The following SNX21 variants were observed in gnomAD, a reference collection of about 807,000 sequenced individuals.
SNX21 encodes sorting nexin-21.
A neutral mutation model predicts 30.9 loss-of-function variants in SNX21; 36 were observed. The observed-to-expected ratio is 1.16, with a 90% confidence interval of 0.89 to 1.54. The LOEUF (loss-of-function observed/expected upper bound fraction) is 1.54, where lower values mean the gene tolerates loss of function less well. SNX21 is among the 40% of genes most tolerant of loss of function. SNX21 has a pLI of 0.00. For synonymous variants in SNX21, 218 were observed against 222.7 expected, an observed-to-expected ratio of 0.98 and a Z score of 0.19; for missense variants, 508 against 516.5, an observed-to-expected ratio of 0.98 and a Z score of 0.16.
intron 1 of SNX21, 91 bp downstream of exon 1, chr20:45,834,031 G>A: frequency 6.3e-6 from 9 of 1,419,716 alleles, no homozygotes; most frequent in Middle Eastern, 2.0e-4. Context: ...GGGTTGGGGG[G>A]AAAGCGATGC....
chr20:45,836,897 G>T (rs974013281), intron 3 of SNX21, among the ~76,000 whole-genome samples: 2 of 152,198 alleles, frequency 1.3e-5, no homozygotes, highest in African/African-American at 2.4e-5. Context: ...ACTTGTGGGG[G>T]TGAAGAGCAC....
Position 45,841,650 on chromosome 20 carries a change from C to G in SNX21, c.*337C>G, listed in dbSNP as rs1368147802. ...TTGGCTGAAGGCCAGGGACTCTGCCCCTGGAGTCCTGGAGTTAAGGGATGA... is the reference window on the plus strand; with the variant it reads ...TTGGCTGAAGGCCAGGGACTCTGCCGCTGGAGTCCTGGAGTTAAGGGATGA... On this transcript the variant is annotated 3_prime_UTR_variant, in exon 4 of 4. Transcript: ENST00000491381. 11 of 1,416,082 alleles carry G rather than the reference C, an allele frequency of 7.8e-6. No individual in the cohort carries two copies. The South Asian group carries it at 1.6e-4, about 20-fold the overall frequency. 87.7% of individuals were successfully genotyped at this position (1,416,082 alleles called of 1,614,324 possible). A position where few individuals can be genotyped will look rare whatever the true frequency, so the allele number is the denominator to read the frequency against.
chr20:45,836,705 G>T (rs566577564), intron 3 of SNX21, among the ~76,000 whole-genome samples: 1 of 152,048 alleles, frequency 6.6e-6, no homozygotes, highest in Non-Finnish European at 1.5e-5. Flanking sequence ...CAGAACTCTG[G>T]GTTCATACAC....
chr20:45,834,581 T>C (rs758823275), intron 2 of SNX21, 113 bp downstream of exon 2: 8 of 1,351,772 alleles, frequency 5.9e-6, no homozygotes, highest in Non-Finnish European at 7.8e-6. Context: ...CTCCCACACT[T>C]CTTAAAGCGC....
At position 45,841,665 on chromosome 20, in the gene SNX21, T is replaced by C; in HGVS notation, c.*352T>C. On this transcript the variant is annotated 3_prime_UTR_variant, in exon 4 of 4. Transcript: ENST00000491381. Reference sequence around the variant, plus strand: ...GGACTCTGCCCCTGGAGTCCTGGAGTTAAGGGATGAAGGCAAGGCTGCAGG... The same window carrying C: ...GGACTCTGCCCCTGGAGTCCTGGAGCTAAGGGATGAAGGCAAGGCTGCAGG... The C allele has an allele frequency of 7.1e-7, 1 of 1,416,024 alleles. No homozygotes were observed. 87.7% of individuals were successfully genotyped at this position (1,416,024 alleles called of 1,614,324 possible).
At chr20:45,840,378 G>A (rs1983950246) in intron 3 of SNX21, 1 of 1,614,032 alleles carries the variant, frequency 6.2e-7, no homozygotes, top group Non-Finnish European at 8.5e-7. Context: ...AAAAGGGGCA[G>A]CAGCCCCGGG....
At position 45,841,287 on chromosome 20, in the gene SNX21, T is replaced by C. The variant is rs375388183; in HGVS notation, c.1096T>C (p.Leu366=). ...CACACCACCCCCCAGTCTCAAAGAA[T>C]TGCTCATCAAGGAGGTGCTGGACTA... ...TPTPPPSLKE[L]LIKEVLD is the part of the protein sequence containing the mutation. The change falls in exon 4 of 4, where the codon TTG becomes CTG. Residue 366 remains leucine (L), a synonymous_variant. Coordinates refer to ENST00000491381, the MANE Select transcript of SNX21 (RefSeq NM_033421.4). 1.3e-6 allele frequency: 2 copies of C among 1,578,228 alleles called. No individual in the cohort carries two copies. Among genetic ancestry groups the C allele is most frequent in the Non-Finnish European group, 1.7e-6 (2 of 1,165,108 alleles).
In SNX21 at chr20:45,842,347, A is replaced by C; in HGVS notation, c.*1034A>C. ...GCTTCCTCAAAAAGATCACAGAGGG[A>C]GGAGCTCTGAGAACAGTCTCCTTCA... On this transcript the variant is annotated 3_prime_UTR_variant, in exon 4 of 4. Transcript: ENST00000491381. 1 of 1,373,226 alleles carries C rather than the reference A, an allele frequency of 7.3e-7. No individual in the cohort carries two copies. 85.1% of individuals were successfully genotyped at this position (1,373,226 alleles called of 1,614,324 possible).
At chr20:45,840,146 T>C in intron 3 of SNX21, 3 of 985,440 alleles carry the variant, frequency 3.0e-6, no homozygotes, top group Non-Finnish European at 3.6e-6. Flanking sequence ...TAGGCCAGTA[T>C]ACTTTTCACA....
At position 45,841,740 on chromosome 20, in the gene SNX21, T is replaced by C; in HGVS notation, c.*427T>C. On this transcript the variant is annotated 3_prime_UTR_variant, in exon 4 of 4. Transcript: ENST00000491381. ...AGCCACTCCAGTGGTATCAGTCTCT[T>C]TATTGGATGTGAGGGCCAAAAGGGA... The C allele has an allele frequency of 2.8e-6, 4 of 1,447,844 alleles. No individual in the cohort carries two copies. The South Asian group carries it at 5.9e-5, about 21-fold the overall frequency. 89.7% of individuals were successfully genotyped at this position (1,447,844 alleles called of 1,614,324 possible).
At chr20:45,839,207 C>A (rs950912868) in intron 3 of SNX21, among the ~76,000 whole-genome samples, 1 of 152,090 alleles carries the variant, frequency 6.6e-6, no homozygotes. Context: ...CCCAAGAAGT[C>A]CTTTTTTTAA....
In SNX21 at chr20:45,841,818, G is replaced by A. The variant is rs775337601; in HGVS notation, c.*505G>A. 1 of 1,582,810 alleles carries A rather than the reference G, an allele frequency of 6.3e-7. No homozygotes were observed. The highest frequency in any genetic ancestry group is 1.1e-5 in the South Asian group (1 of 87,332). On this transcript the variant is annotated 3_prime_UTR_variant, in exon 4 of 4. Transcript: ENST00000491381. ...TAGATGGGAGGTTCTTGAAGCCCCA[G>A]GCGAAGCTGGTACCTCTGGCTACAG... is the stretch of plus-strand genomic sequence containing the variant.
chr20:45,840,321 G>T, intron 3 of SNX21: 1 of 1,572,698 alleles, frequency 6.4e-7, no homozygotes. Flanking sequence ...TGGTTTTCCA[G>T]AGGGGGCTGT....
intron 2 of SNX21, 27 bp from the exon 3 acceptor site, chr20:45,834,932 T>C (rs1209615310): frequency 1.9e-6 from 3 of 1,607,740 alleles, no homozygotes; most frequent in Non-Finnish European, 2.5e-6. Context: ...CCTAGGCCCA[T>C]TGATATGACT....
At chr20:45,839,329 C>T (rs1200118917) in intron 3 of SNX21, among the ~76,000 whole-genome samples, 1 of 152,062 alleles carries the variant, frequency 6.6e-6, no homozygotes, top group Non-Finnish European at 1.5e-5. Context: ...TCCTGGCTAA[C>T]ACAGTGAAAC....
rs1271234408 is a variant in SNX21, at chr20:45,840,844, A to C, written c.653A>C (p.Gln218Pro). ...GCCCGCCGTAGCCGGGCCTTTGAGC[A>C]GTTTTTGGGTCACCTGCAGGCAGTG... ...TIARRSRAFE[Q>P]FLGHLQAVPE... Residue 218 changes from glutamine to proline, a missense_variant, in exon 4 of 4, where the codon CAG (glutamine) becomes CCG (proline). Coordinates refer to ENST00000491381, the MANE Select transcript of SNX21 (RefSeq NM_033421.4). 1.2e-6 allele frequency: 2 copies of C among 1,613,862 alleles called. No individual in the cohort carries two copies. Among genetic ancestry groups the C allele is most frequent in the Admixed American group, 3.3e-5 (2 of 60,026 alleles).
At position 45,841,392 on chromosome 20, in the gene SNX21, A is replaced by AGCTGGGAGGCTGCAGAGGGT; in HGVS notation, c.*88_*107dup. 4 of 1,495,610 alleles carry AGCTGGGAGGCTGCAGAGGGT rather than the reference A, an allele frequency of 2.7e-6. No individual in the cohort carries two copies. In the South Asian group the frequency reaches 5.7e-5, roughly 21 times the overall value. The allele number at this position is 1,495,610 out of a possible 1,614,324, so 92.6% of individuals were successfully genotyped here. On this transcript the variant is annotated 3_prime_UTR_variant, in exon 4 of 4. Coordinates refer to ENST00000491381, the MANE Select transcript of SNX21 (RefSeq NM_033421.4). ...GGGAAGGACCTGATGAGAACAGAAT[A>AGCTGGGAGGCTGCAGAGGGT]GCTGGGAGGCTGCAGAGGGTGCTGG...
In SNX21 at chr20:45,841,454, A is replaced by C. The variant is rs190188488; in HGVS notation, c.*141A>C. 9.8e-6 allele frequency: 14 copies of C among 1,430,334 alleles called. No individual in the cohort carries two copies. The East Asian group carries it at 3.3e-4, about 34-fold the overall frequency. The allele number at this position is 1,430,334 out of a possible 1,614,324, so 88.6% of individuals were successfully genotyped here. A position where few individuals can be genotyped will look rare whatever the true frequency, so the allele number is the denominator to read the frequency against. On this transcript the variant is annotated 3_prime_UTR_variant, in exon 4 of 4. Transcript: ENST00000491381. ...AGTTCCAAAAGAGAATGTGAAGCAG[A>C]TCAAGGAAACTTCTGTTGAGCTAGG... is the stretch of plus-strand genomic sequence containing the variant.
At chr20:45,835,143 CTG>C (rs1180063023) in intron 3 of SNX21, 27 bp downstream of exon 3, 2 of 1,593,792 alleles carry the variant, frequency 1.3e-6, no homozygotes, top group East Asian at 2.3e-5. Context: ...AACCCCTGGG[CTG>C]TGAGTCCAGA....
Sources: gnomAD v4.1 joint callset for allele counts (sites outside exome capture counted in the v4.1 genomes callset) on GRCh38, gnomAD v4.1.1 for gene constraint, MANE v1.5 for transcripts, NCBI Gene and HGNC (gene_info 2026-07-23, HGNC 2026-07-21) for gene names.